C1orf198: variants seen among roughly 807,000 people sequenced by gnomAD.
The protein encoded by C1orf198 is uncharacterized protein C1orf198.
A neutral mutation model predicts 31.4 loss-of-function variants in C1orf198; 17 were observed. The ratio of observed to expected loss-of-function variants is 0.54; its 90% CI spans 0.37 to 0.81. The LOEUF is 0.81. Ranked by LOEUF, C1orf198 falls within the 40% of genes least tolerant of loss-of-function variation. C1orf198 has a pLI of 0.00. For synonymous variants in C1orf198, 175 were observed against 193.8 expected (o/e 0.90, Z 0.81); for missense variants, 401 against 450.3 (o/e 0.89, Z 0.99).
chr1:230,853,594 A>G (rs1300779499), intron 2 of C1orf198, among the ~76,000 whole-genome samples: 1 of 152,188 alleles, frequency 6.6e-6, no homozygotes, highest in African/African-American at 2.4e-5. Flanking sequence ...AACTATAGTA[A>G]GTCTGACCTC....
chr1:230,867,746 A>AC (rs1413638661), intron 1 of C1orf198, among the ~76,000 whole-genome samples: 3 of 152,076 alleles, frequency 2.0e-5, no homozygotes, highest in Non-Finnish European at 4.4e-5. Context: ...TGGCGTTATT[A>AC]CCCCCGTTTT....
intron 1 of C1orf198, 140 bp downstream of exon 1, chr1:230,868,040 C>A: frequency 1.1e-6 from 1 of 943,398 alleles, no homozygotes; most frequent in Non-Finnish European, 1.4e-6. Flanking sequence ...TGGGGCTCCC[C>A]TCCCACCCAC....
chr1:230,848,867 AAACAG>A, intron 2 of C1orf198, among the ~76,000 whole-genome samples: 1 of 152,246 alleles, frequency 6.6e-6, no homozygotes, highest in East Asian at 1.9e-4. Flanking sequence ...ACTATAATAA[AAACAG>A]ACTCTAGCAG....
At chr1:230,842,839 C>A (rs1487541575) in intron 3 of C1orf198, among the ~76,000 whole-genome samples, 1 of 152,232 alleles carries the variant, frequency 6.6e-6, no homozygotes, top group African/African-American at 2.4e-5. Context: ...GCAACTGCAT[C>A]CTGGGCTCAC....
rs1367262363 is a variant in C1orf198 at position 230,840,971 on chromosome 1, G to T, written c.928-1063C>A. 5.9e-5 allele frequency among the ~76,000 whole-genome samples: 9 copies of T among 152,190 alleles called. No homozygotes were observed. Among genetic ancestry groups the T allele is most frequent in the Admixed American group, 5.9e-4 (9 of 15,278 alleles). On this transcript the variant is annotated intron_variant, in intron 3 of 3. Transcript: ENST00000366663. The surrounding 1 kb of genome is among the most constrained non-coding windows in gnomAD (Gnocchi z 4.0). ...TACTCAGAAATCTGTTCTCTCAAAG[G>T]AATTTCATGTGCTGTCTCCTACTCT...
rs1669396011 is a variant in C1orf198, at chr1:230,839,803, C to T, written c.*49G>A. The T allele has an allele frequency of 6.4e-7, 1 of 1,552,772 alleles. No individual in the cohort carries two copies. Among genetic ancestry groups the T allele is most frequent in the African/African-American group, 1.4e-5 (1 of 73,206 alleles). ...CCCTTTTTATCCTCCTCCACCACAC[C>T]ACTTTGGAAAACATTTTAGGGTTCT... On this transcript the variant is annotated 3_prime_UTR_variant, in exon 4 of 4. Coordinates refer to ENST00000366663, the MANE Select transcript of C1orf198 (RefSeq NM_032800.3).
At chr1:230,855,335 C>A (rs1558140593) in intron 2 of C1orf198, among the ~76,000 whole-genome samples, 1 of 152,330 alleles carries the variant, frequency 6.6e-6, no homozygotes, top group Admixed American at 6.5e-5. Context: ...TGCTGGGAAC[C>A]AGAGGTATGA....
intron 2 of C1orf198, among the ~76,000 whole-genome samples, chr1:230,853,357 C>T (rs1002527890): frequency 6.6e-6 from 1 of 152,094 alleles, no homozygotes; most frequent in African/African-American, 2.4e-5. Context: ...ACTAAAGCCA[C>T]CTCCTGTTTG....
At chr1:230,861,881 G>A (rs900160462) in intron 1 of C1orf198, among the ~76,000 whole-genome samples, 9 of 152,222 alleles carry the variant, frequency 5.9e-5, no homozygotes, top group African/African-American at 2.2e-4. Context: ...ATTGATGCCA[G>A]AAATGGTCAT....
chr1:230,852,726 T>A (rs1163095429), intron 2 of C1orf198, among the ~76,000 whole-genome samples: 1 of 152,090 alleles, frequency 6.6e-6, no homozygotes, highest in Non-Finnish European at 1.5e-5. Context: ...CTTAAAAAAA[T>A]CAATGAGTGA....
chr1:230,851,847 G>A (rs1027691952), intron 2 of C1orf198, among the ~76,000 whole-genome samples: 6 of 152,226 alleles, frequency 3.9e-5, no homozygotes, highest in African/African-American at 1.2e-4. Context: ...TGGGGGCAGC[G>A]ACCACAGGTC....
At chr1:230,863,298 G>T (rs1670039782) in intron 1 of C1orf198, among the ~76,000 whole-genome samples, 1 of 152,198 alleles carries the variant, frequency 6.6e-6, no homozygotes, top group African/African-American at 2.4e-5. Flanking sequence ...CATGAGCATG[G>T]TAATGGAAAC....
intron 2 of C1orf198, among the ~76,000 whole-genome samples, chr1:230,849,455 C>T (rs757792056): frequency 2.0e-5 from 3 of 152,164 alleles, no homozygotes; most frequent in African/African-American, 2.4e-5. Flanking sequence ...TCCCTCCTGA[C>T]GGCAACACTG....
intron 1 of C1orf198, among the ~76,000 whole-genome samples, chr1:230,856,451 T>C (rs1380561073): frequency 2.0e-5 from 3 of 151,786 alleles, no homozygotes; most frequent in Non-Finnish European, 4.4e-5. Flanking sequence ...CCTGCACAAA[T>C]GACTTGGGGA....
intron 2 of C1orf198, among the ~76,000 whole-genome samples, chr1:230,853,552 C>T (rs1669797676): frequency 6.6e-6 from 1 of 152,116 alleles, no homozygotes; most frequent in Non-Finnish European, 1.5e-5. Flanking sequence ...CTGAGATACG[C>T]TCTATTTTGC....
chr1:230,844,108 C>T (rs1669523906), intron 2 of C1orf198, among the ~76,000 whole-genome samples: 1 of 152,052 alleles, frequency 6.6e-6, no homozygotes, highest in Non-Finnish European at 1.5e-5. Flanking sequence ...GCTTAAATGC[C>T]AAGGCCGGGT....
chr1:230,846,899 C>T (rs146259605), intron 2 of C1orf198, among the ~76,000 whole-genome samples: 14,766 of 151,068 alleles, frequency 0.098, 1,008 homozygotes, highest in Admixed American at 0.25. Context: ...GTCAGGAGAT[C>T]GAGACCATCC....
intron 3 of C1orf198, among the ~76,000 whole-genome samples, chr1:230,842,442 C>T (rs933629006): frequency 2.6e-5 from 4 of 152,156 alleles, no homozygotes; most frequent in African/African-American, 9.7e-5. Flanking sequence ...GCATCTGCAG[C>T]GACCTGGATG....
At chr1:230,855,144 C>G (rs1239913648) in intron 2 of C1orf198, among the ~76,000 whole-genome samples, 1 of 152,330 alleles carries the variant, frequency 6.6e-6, no homozygotes, top group East Asian at 1.9e-4. Flanking sequence ...AAGCTTGATG[C>G]TCTTAAGCAA....
Sources: gnomAD v4.1 joint callset for allele counts (sites outside exome capture counted in the v4.1 genomes callset) on GRCh38, gnomAD v4.1.1 for gene constraint, Gnocchi (gnomAD v3.1) non-coding constraint, MANE v1.5 for transcripts, NCBI Gene and HGNC (gene_info 2026-07-23, HGNC 2026-07-21) for gene names.